TTC39C: variants seen among roughly 807,000 people sequenced by gnomAD.
TTC39C encodes the protein tetratricopeptide repeat protein 39C.
TTC39C carries 33 observed loss-of-function variants against 76.3 expected under a neutral mutation model. The ratio of observed to expected loss-of-function variants is 0.43; its 90% CI spans 0.33 to 0.58. The LOEUF is 0.58. Among genes scored for constraint, TTC39C ranks in the 20% least tolerant of loss-of-function variants. The pLI is 0.04. For synonymous variants in TTC39C, 254 were observed against 260.6 expected, an observed-to-expected ratio of 0.97 and a Z score of 0.24; for missense variants, 595 against 701.4, an observed-to-expected ratio of 0.85 and a Z score of 1.71.
In TTC39C at chr18:24,132,833, CGTT is replaced by C. The variant is rs1286555261; in HGVS notation, c.*260_*262del. The C allele has an allele frequency of 2.1e-5, 7 of 335,754 alleles. No individual in the cohort carries two copies. Among genetic ancestry groups the C allele is most frequent in the South Asian group, 2.1e-4 (2 of 9,396 alleles). 20.8% of individuals were successfully genotyped at this position (335,754 alleles called of 1,614,324 possible). A position where few individuals can be genotyped will look rare whatever the true frequency, so the allele number is the denominator to read the frequency against. ...AGAGGGTTAAGTGACCTTGCTCAAACGTTTTAGTTTTGTGATTTATTATTTTTA... is the reference window on the plus strand; with the variant it reads ...AGAGGGTTAAGTGACCTTGCTCAAACTTAGTTTTGTGATTTATTATTTTTA... On this transcript the variant is annotated 3_prime_UTR_variant, in exon 14 of 14. Transcript: ENST00000317571.
At chr18:24,081,438 A>G (rs536761528) in intron 5 of TTC39C, among the ~76,000 whole-genome samples, 1 of 152,350 alleles carries the variant, frequency 6.6e-6, no homozygotes, top group African/African-American at 2.4e-5. Flanking sequence ...TTAAATAATA[A>G]TTATTTAAGC....
At chr18:24,121,338 C>T (rs576517499) in intron 8 of TTC39C, among the ~76,000 whole-genome samples, 6 of 152,024 alleles carry the variant, frequency 3.9e-5, no homozygotes, top group South Asian at 2.1e-4. Flanking sequence ...TTTGGGAGGC[C>T]GAGGCGTGTG....
intron 1 of TTC39C, among the ~76,000 whole-genome samples, chr18:24,008,787 A>G (rs1426847640): frequency 1.3e-5 from 2 of 152,240 alleles, no homozygotes; most frequent in African/African-American, 2.4e-5. Flanking sequence ...TAACAAAGAC[A>G]TGCAATCAAA....
intron 1 of TTC39C, among the ~76,000 whole-genome samples, chr18:23,999,943 T>G (rs1354435029): frequency 6.6e-6 from 1 of 152,224 alleles, no homozygotes; most frequent in East Asian, 1.9e-4. Flanking sequence ...AAAGAATTTA[T>G]TGGGTGTACA....
intron 1 of TTC39C, among the ~76,000 whole-genome samples, chr18:24,001,910 C>G (rs1450358861): frequency 8.9e-5 from 13 of 146,156 alleles, no homozygotes; most frequent in African/African-American, 3.3e-4. Context: ...ACTGCAAGCT[C>G]CGCCTCCCGG....
intron 1 of TTC39C, chr18:24,022,879 T>G (rs2083534054): frequency 1.0e-6 from 1 of 985,306 alleles, no homozygotes; most frequent in African/African-American, 1.7e-5. Flanking sequence ...ACGGCTCAGA[T>G]TTTTAGCAAA....
At chr18:24,113,594 A>G in intron 6 of TTC39C, 1 of 702,368 alleles carries the variant, frequency 1.4e-6, no homozygotes, top group South Asian at 1.5e-5. Context: ...CCAGCAGAGC[A>G]AGAAAGAAAT....
At chr18:24,008,499 AC>A (rs2083370716) in intron 1 of TTC39C, among the ~76,000 whole-genome samples, 2 of 152,248 alleles carry the variant, frequency 1.3e-5, no homozygotes, top group South Asian at 4.1e-4. Flanking sequence ...AGGTAAAGTT[AC>A]GTGAATAGAA....
chr18:23,997,988 C>T (rs75554094), intron 1 of TTC39C, among the ~76,000 whole-genome samples: 98 of 152,186 alleles, frequency 6.4e-4, no homozygotes, highest in African/African-American at 2.3e-3. Flanking sequence ...CAGAGAGGGG[C>T]AGGATAGTGT....
At chr18:24,010,977 G>A (rs1233668642), upstream of TTC39C, among the ~76,000 whole-genome samples, 1 of 152,206 alleles carries the variant, frequency 6.6e-6, no homozygotes, top group African/African-American at 2.4e-5. Context: ...GAGCCTGGGA[G>A]GTGAAGGCTG....
chr18:24,079,919 A>G (rs1159199003), intron 4 of TTC39C, among the ~76,000 whole-genome samples: 2 of 150,974 alleles, frequency 1.3e-5, no homozygotes, highest in Non-Finnish European at 2.9e-5. Context: ...CTCCCACCTC[A>G]GCCTCCCAGG....
intron 6 of TTC39C, among the ~76,000 whole-genome samples, chr18:24,087,328 G>A (rs1414973355): frequency 6.6e-6 from 1 of 152,048 alleles, no homozygotes; most frequent in Admixed American, 6.6e-5. Flanking sequence ...TCTTCTTTAA[G>A]CAATACAGAT....
At chr18:24,107,315 G>A (rs972880810) in intron 6 of TTC39C, among the ~76,000 whole-genome samples, 12 of 151,496 alleles carry the variant, frequency 7.9e-5, no homozygotes, top group Admixed American at 6.6e-4. Flanking sequence ...ACACACGCAC[G>A]CATGTGCACT....
At chr18:24,116,823 T>G (rs962447357) in intron 7 of TTC39C, among the ~76,000 whole-genome samples, 1 of 143,832 alleles carries the variant, frequency 7.0e-6, no homozygotes, top group African/African-American at 2.6e-5. Flanking sequence ...ACCTTAGTTT[T>G]TTTTTTTTTT....
chr18:24,026,295 T>A (rs778733927), intron 1 of TTC39C, among the ~76,000 whole-genome samples: 1 of 152,210 alleles, frequency 6.6e-6, no homozygotes, highest in South Asian at 2.1e-4. Flanking sequence ...TGTTTTTGTT[T>A]TTTGCTAAGT....
At chr18:24,119,224 G>A (rs57644285) in intron 8 of TTC39C, among the ~76,000 whole-genome samples, 1 of 152,196 alleles carries the variant, frequency 6.6e-6, no homozygotes, top group African/African-American at 2.4e-5. Context: ...AAGGCCACGT[G>A]ATTCAGAGTT....
rs753816274 is a variant in TTC39C at position 24,080,757 on chromosome 18, T to C, written c.633T>C (p.Ser211=). 1.3e-5 allele frequency: 21 copies of C among 1,614,182 alleles called. No individual in the cohort carries two copies. The highest frequency in any genetic ancestry group is 4.4e-5 in the South Asian group (4 of 91,086). Residue 211 remains serine, a synonymous_variant, in exon 5 of 14, where the codon TCT becomes TCC. Transcript: ENST00000317571. ...HIVAEGVSEE[S]LNRLKGAVSF... ...TGGCTGAAGGGGTGTCTGAGGAGTC[T>C]CTGAACAGACTGAAAGGTGCTGTTA...
intron 3 of TTC39C, among the ~76,000 whole-genome samples, chr18:24,068,023 C>T (rs886310051): frequency 1.3e-5 from 2 of 152,114 alleles, no homozygotes; most frequent in African/African-American, 4.8e-5. Flanking sequence ...CCCATAGTTC[C>T]CTGTCCTTAC....
chr18:24,020,820 G>A (rs377588185), intron 1 of TTC39C, among the ~76,000 whole-genome samples: 1 of 152,254 alleles, frequency 6.6e-6, no homozygotes, highest in Non-Finnish European at 1.5e-5. Context: ...TGTATTAACC[G>A]ATTGAGTGAG....
Sources: gnomAD v4.1 joint callset for allele counts (sites outside exome capture counted in the v4.1 genomes callset) on GRCh38, gnomAD v4.1.1 for gene constraint, MANE v1.5 for transcripts, NCBI Gene and HGNC (gene_info 2026-07-23, HGNC 2026-07-21) for gene names.